Variants in CLCN3 observed in about 807,000 individuals in gnomAD.
The protein encoded by CLCN3 is Cl-/H+ antiporter 3.
In CLCN3, 16 loss-of-function variants were observed where a neutral mutation model predicts 83.4. That is an observed-to-expected ratio of 0.19 (90% CI 0.13 to 0.29). CLCN3 has a LOEUF of 0.29. Ranked by LOEUF, CLCN3 falls within the 10% of genes least tolerant of loss-of-function variation. CLCN3 has a pLI of 1.00. For synonymous variants in CLCN3, 322 were observed against 346.2 expected (o/e 0.93, Z 0.78); for missense variants, 544 against 1,006.0 (o/e 0.54, Z 6.21).
Position 169,689,155 on chromosome 4 carries a change from T to C in CLCN3, c.531T>C (p.Asn177=). 1 of 1,613,930 alleles carries C rather than the reference T, an allele frequency of 6.2e-7. No homozygotes were observed. The highest frequency in any genetic ancestry group is 8.5e-7 in the Non-Finnish European group (1 of 1,179,942). ...YNHEQCCWGS[N]ETTFEERDKC... ...ACGAACAGTGCTGTTGGGGATCTAA[T>C]GAAACAACATTTGAAGAGAGGGATA... Residue 177 remains asparagine (N), a synonymous_variant, in exon 5 of 13, where the codon AAT becomes AAC. Transcript: ENST00000513761.
chr4:169,645,313 T>C (rs1020626181), intron 2 of CLCN3, among the ~76,000 whole-genome samples: 3 of 152,150 alleles, frequency 2.0e-5, no homozygotes, highest in African/African-American at 7.2e-5. Context: ...ATAAAAAGGG[T>C]AAAATCTACA....
At chr4:169,621,616 T>C (rs1461946316) in intron 1 of CLCN3, among the ~76,000 whole-genome samples, 1 of 152,248 alleles carries the variant, frequency 6.6e-6, no homozygotes, top group Non-Finnish European at 1.5e-5. Context: ...AAGAAATTCC[T>C]GTTCATGGAA....
At chr4:169,701,272 G>A (rs1376771629) in intron 9 of CLCN3, among the ~76,000 whole-genome samples, 1 of 152,140 alleles carries the variant, frequency 6.6e-6, no homozygotes, top group Non-Finnish European at 1.5e-5. Context: ...ATACATTCAA[G>A]TTTTTTAAAT....
chr4:169,667,144 G>T (rs190173242), intron 2 of CLCN3, among the ~76,000 whole-genome samples: 51 of 152,116 alleles, frequency 3.4e-4, no homozygotes, highest in Admixed American at 2.9e-3. Context: ...TTTAGATCTA[G>T]GATCCATTTT....
At chr4:169,717,925 C>T (rs543756469) in intron 12 of CLCN3, 1 of 1,164,332 alleles carries the variant, frequency 8.6e-7, no homozygotes, top group East Asian at 2.3e-5. Context: ...AAGCATGAAA[C>T]TTGTGAACTG....
intron 5 of CLCN3, among the ~76,000 whole-genome samples, chr4:169,690,245 A>T (rs1234047702): frequency 7.2e-6 from 1 of 138,154 alleles, no homozygotes; most frequent in Non-Finnish European, 1.5e-5. Context: ...TCTGGGGTTT[A>T]AGCGATTCTT....
intron 2 of CLCN3, among the ~76,000 whole-genome samples, chr4:169,661,933 GTAAT>G (rs1378067206): frequency 6.6e-6 from 1 of 152,066 alleles, no homozygotes; most frequent in African/African-American, 2.4e-5. Flanking sequence ...TTGCTAATCA[GTAAT>G]TAAACTGTAA....
intron 2 of CLCN3, among the ~76,000 whole-genome samples, chr4:169,641,049 G>A (rs1445769682): frequency 1.3e-5 from 2 of 151,692 alleles, no homozygotes; most frequent in Non-Finnish European, 2.9e-5. Context: ...GAGTTGAGAG[G>A]GCTCACTCCT....
chr4:169,709,381 T>TC (rs1451022648), intron 11 of CLCN3, among the ~76,000 whole-genome samples: 7 of 149,038 alleles, frequency 4.7e-5, no homozygotes. Context: ...TGCTGAGACT[T>TC]TAAAAAAAAA....
chr4:169,657,632 A>C (rs1216114142), intron 2 of CLCN3, among the ~76,000 whole-genome samples: 5 of 152,198 alleles, frequency 3.3e-5, no homozygotes, highest in Non-Finnish European at 5.9e-5. Flanking sequence ...ATACAGAGAC[A>C]TCCCAGAGAG....
intron 2 of CLCN3, chr4:169,642,894 T>C (rs1342556304): frequency 6.6e-6 from 1 of 152,204 alleles, no homozygotes; most frequent in Non-Finnish European, 1.5e-5. Flanking sequence ...ATGACACCAT[T>C]ATTATATAGT....
Position 169,723,182 on chromosome 4 carries a change from A to G in CLCN3, c.*3185A>G, listed in dbSNP as rs1213000013. 1 of 152,230 alleles carries G rather than the reference A, an allele frequency of 6.6e-6. No individual in the cohort carries two copies. 9.4% of individuals were successfully genotyped at this position (152,230 alleles called of 1,614,324 possible). ...CAGAAAATCTATTAAAATCTATATG[A>G]CAATGTGTGGTTTGGCCTTTAATTA... On this transcript the variant is annotated 3_prime_UTR_variant, in exon 13 of 13. Transcript: ENST00000513761.
intron 2 of CLCN3, among the ~76,000 whole-genome samples, chr4:169,672,323 GA>G (rs1731499535): frequency 6.6e-6 from 1 of 152,032 alleles, no homozygotes; most frequent in Admixed American, 6.6e-5. Flanking sequence ...TATTTTTAAT[GA>G]AGTCGGGGAT....
intron 2 of CLCN3, among the ~76,000 whole-genome samples, chr4:169,656,923 G>C (rs1221452653): frequency 6.6e-6 from 1 of 152,084 alleles, no homozygotes; most frequent in African/African-American, 2.4e-5. Flanking sequence ...CCTGGACGTT[G>C]GAGTGAGACC....
In CLCN3 at chr4:169,680,197, G is replaced by A. The variant is rs756479262; in HGVS notation, c.308G>A (p.Arg103Lys). ...CGAGAAAAATGTAAAGACAGAGAAA[G>A]GCATAGACGGGTAAGTGTTTTTAGT... Reference protein sequence around the residue: ...WVREKCKDRERHRRINSKKKE... With the variant: ...WVREKCKDREKHRRINSKKKE... The change falls in exon 3 of 13, where the codon AGG (arginine) becomes AAG (lysine). Residue 103 changes from arginine to lysine, a missense_variant. Physicochemically the swap from Arg to Lys is conservative, Grantham distance 26 (BLOSUM62 2). Transcript: ENST00000513761. 6.2e-7 allele frequency: 1 copy of A among 1,611,200 alleles called. No individual in the cohort carries two copies. The highest frequency in any genetic ancestry group is 1.7e-5 in the Admixed American group (1 of 59,182).
chr4:169,675,038 G>A (rs747779229), intron 2 of CLCN3, among the ~76,000 whole-genome samples: 2 of 152,220 alleles, frequency 1.3e-5, no homozygotes, highest in East Asian at 1.9e-4. Flanking sequence ...CACCACTCCC[G>A]GCTTCCAAGG....
In CLCN3 at chr4:169,659,377, A is replaced by T. The variant is rs76298210; in HGVS notation, c.161-20673A>T. Among the ~76,000 whole-genome samples, 1,343 of 152,326 alleles carry T rather than the reference A, an allele frequency of 8.8e-3. 14 individuals are homozygous for T. Among genetic ancestry groups the T allele is most frequent in the African/African-American group, 0.031 (1,272 of 41,580 alleles). On this transcript the variant is annotated intron_variant, in intron 2 of 12. Transcript: ENST00000513761. ...TAAAGAGACAATTTCTGAATTTTAT[A>T]ACAATTTCTAGAACAGTTGAGTACC...
chr4:169,647,294 A>T (rs1285622326), intron 2 of CLCN3, among the ~76,000 whole-genome samples: 1 of 152,054 alleles, frequency 6.6e-6, no homozygotes, highest in Non-Finnish European at 1.5e-5. Context: ...GGAGGCTGAG[A>T]TGGGAAGATC....
At chr4:169,719,089 TA>T (rs1733534293) in intron 12 of CLCN3, among the ~76,000 whole-genome samples, 1 of 152,232 alleles carries the variant, frequency 6.6e-6, no homozygotes, top group Admixed American at 6.5e-5. Flanking sequence ...CATTTTATCT[TA>T]ATAGTATGTG....
Sources: gnomAD v4.1 joint callset for allele counts (sites outside exome capture counted in the v4.1 genomes callset) on GRCh38, gnomAD v4.1.1 for gene constraint, MANE v1.5 for transcripts, NCBI Gene and HGNC (gene_info 2026-07-23, HGNC 2026-07-21) for gene names.